The following SSC4D variants were observed in gnomAD, a reference collection of about 807,000 sequenced individuals.
SSC4D encodes scavenger receptor cysteine-rich domain-containing group B protein.
A neutral mutation model predicts 63.4 loss-of-function variants in SSC4D; 57 were observed. That is an observed-to-expected ratio of 0.90 (90% CI 0.73 to 1.12). The LOEUF (loss-of-function observed/expected upper bound fraction) is 1.12. Among genes scored for constraint, SSC4D ranks in the 50% most tolerant of loss-of-function variants. The pLI is 0.00. For synonymous variants in SSC4D, 352 were observed against 345.4 expected (o/e 1.02, Z -0.21); for missense variants, 791 against 806.4 (o/e 0.98, Z 0.23).
intron 1 of SSC4D, among the ~76,000 whole-genome samples, chr7:76,405,404 A>C (rs1392873246): frequency 8.1e-6 from 1 of 123,722 alleles, no homozygotes; most frequent in Non-Finnish European, 1.7e-5. Context: ...CTGGTTTCGA[A>C]CTCCTGACCT....
intron 2 of SSC4D, among the ~76,000 whole-genome samples, chr7:76,403,347 C>CTTTTTTTTATTTT: frequency 6.7e-6 from 1 of 149,532 alleles, no homozygotes; most frequent in Non-Finnish European, 1.5e-5. Context: ...GACTCCACTT[C>CTTTTTTTTATTTT]TTTTTTTTGA....
rs750796775 is a variant in SSC4D, at chr7:76,400,503, G to A, written c.258C>T (p.Asp86=). ...GGSWGSVCDD[D]WDVVDANVVC... ...CTACGTTGGCGTCCACCACGTCCCA[G>A]TCGTCATCACAGACGCTGCCCCAGG... Residue 86 remains aspartate, a synonymous_variant, in exon 4 of 11, where the codon GAC becomes GAT. Transcript: ENST00000275560. 6.3e-7 allele frequency: 1 copy of A among 1,599,030 alleles called. No individual in the cohort carries two copies. The highest frequency in any genetic ancestry group is 1.1e-5 in the South Asian group (1 of 89,734).
At chr7:76,392,084 G>T in intron 9 of SSC4D, 43 bp from the exon 10 acceptor site, 1 of 1,544,436 alleles carries the variant, frequency 6.5e-7, no homozygotes, top group South Asian at 1.2e-5. Context: ...CTCTCACAAT[G>T]GGAAGCATGT....
intron 9 of SSC4D, among the ~76,000 whole-genome samples, chr7:76,392,978 T>C (rs1804525057): frequency 6.6e-6 from 1 of 152,138 alleles, no homozygotes; most frequent in Admixed American, 6.6e-5. Flanking sequence ...CAAACACCCC[T>C]TTCCACTGAC....
chr7:76,401,962 A>T lies in SSC4D; in HGVS notation c.134-919T>A, dbSNP rs116019880. ...CTTAAATGTGTAAATTGGCTTTGGG[A>T]TTCATCATATTTCCCTCCCTAAAGA... On this transcript the variant is annotated intron_variant, in intron 2 of 10. Coordinates refer to ENST00000275560, the MANE Select transcript of SSC4D (RefSeq NM_080744.2). Among the ~76,000 whole-genome samples the T allele has an allele frequency of 5.9e-3, 897 of 152,102 alleles. 13 individuals carry two copies. The highest frequency in any genetic ancestry group is 0.021 in the African/African-American group (860 of 41,502).
At chr7:76,393,330 C>G (rs985440018) in intron 9 of SSC4D, 75 bp downstream of exon 9, 1 of 1,275,224 alleles carries the variant, frequency 7.8e-7, no homozygotes, top group Non-Finnish European at 9.9e-7. Context: ...AGGCCTCGCG[C>G]GTGGCGCCGC....
intron 1 of SSC4D, among the ~76,000 whole-genome samples, chr7:76,404,752 C>T (rs886228084): frequency 6.6e-6 from 1 of 151,116 alleles, no homozygotes; most frequent in Non-Finnish European, 1.5e-5. Context: ...GGTAACATGG[C>T]GAAAACCTGT....
chr7:76,405,953 C>A (rs1042335947), intron 1 of SSC4D, among the ~76,000 whole-genome samples: 6 of 149,904 alleles, frequency 4.0e-5, no homozygotes, highest in Non-Finnish European at 8.9e-5. Flanking sequence ...TTCTTTCCTT[C>A]CTTCCTTCCT....
At chr7:76,403,347 C>CTTTTTTTTTTTT (rs766899317) in intron 2 of SSC4D, among the ~76,000 whole-genome samples, 24,440 of 147,496 alleles carry the variant, frequency 0.17, 2,332 homozygotes, top group South Asian at 0.23. Flanking sequence ...GACTCCACTT[C>CTTTTTTTTTTTT]TTTTTTTTGA....
intron 6 of SSC4D, among the ~76,000 whole-genome samples, chr7:76,395,761 C>T (rs769689337): frequency 6.6e-6 from 1 of 152,138 alleles, no homozygotes; most frequent in Non-Finnish European, 1.5e-5. Context: ...GTGCGATCTC[C>T]GCTCACTGCA....
chr7:76,398,689 C>A (rs1272426609), intron 5 of SSC4D, 31 bp downstream of exon 5: 1 of 1,609,922 alleles, frequency 6.2e-7, no homozygotes, highest in Non-Finnish European at 8.5e-7. Context: ...TCTCCCAAAA[C>A]CCAGGTGGTG....
At chr7:76,406,766 T>C (rs1333345888) in intron 1 of SSC4D, among the ~76,000 whole-genome samples, 3 of 151,302 alleles carry the variant, frequency 2.0e-5, no homozygotes, top group Non-Finnish European at 2.9e-5. Context: ...TTGTTTTTAA[T>C]ACCCCAATCC....
intron 3 of SSC4D, 41 bp downstream of exon 3, chr7:76,400,967 C>T (rs377248126): frequency 3.7e-5 from 57 of 1,550,670 alleles, no homozygotes; most frequent in South Asian, 2.4e-4. Flanking sequence ...GAGTACCTGG[C>T]GGACAGGTGA....
intron 9 of SSC4D, 27 bp downstream of exon 9, chr7:76,393,378 C>T (rs777672206): frequency 8.3e-6 from 11 of 1,324,526 alleles, no homozygotes; most frequent in Middle Eastern, 2.9e-4. Flanking sequence ...GCCCCGCTGT[C>T]AGCCTCACCT....
intron 4 of SSC4D, among the ~76,000 whole-genome samples, chr7:76,399,975 A>G (rs1004351874): frequency 6.6e-6 from 1 of 152,144 alleles, no homozygotes; most frequent in Admixed American, 6.6e-5. Flanking sequence ...GGGACCAAAC[A>G]GTGAGACCTC....
At chr7:76,408,903 G>A (rs1315714351) in intron 1 of SSC4D, among the ~76,000 whole-genome samples, 3 of 152,162 alleles carry the variant, frequency 2.0e-5, no homozygotes, top group African/African-American at 7.2e-5. Context: ...TCATATTGCA[G>A]CATCAGCTCC....
At chr7:76,395,210 AC>A (rs1804608373) in intron 7 of SSC4D, 42 bp downstream of exon 7, 2 of 1,607,726 alleles carry the variant, frequency 1.2e-6, no homozygotes, top group African/African-American at 2.7e-5. Context: ...AGCCGCACCC[AC>A]CATACCCCTA....
intron 10 of SSC4D, among the ~76,000 whole-genome samples, chr7:76,391,483 C>A (rs1176324763): frequency 6.6e-6 from 1 of 152,156 alleles, no homozygotes; most frequent in Non-Finnish European, 1.5e-5. Context: ...CCCATAGTCT[C>A]AGGACTGGGA....
Position 76,393,476 on chromosome 7 carries a change from C to T in SSC4D, c.1262G>A (p.Ser421Asn). The change falls in exon 9 of 11, where the codon AGC becomes AAC. Residue 421 changes from serine to asparagine, a missense_variant. Transcript: ENST00000275560. ...VGCAGTEARL[S>N]DCFHLGWGQH... ...GCCCCAGCCCAGGTGGAAGCAGTCG[C>T]TCAGGCGAGCCTCGGTGCCGGCGCA... The T allele has an allele frequency of 6.6e-7, 1 of 1,526,210 alleles. No homozygotes were observed. The highest frequency in any genetic ancestry group is 8.7e-7 in the Non-Finnish European group (1 of 1,144,184). The allele number at this position is 1,526,210 out of a possible 1,614,324, so 94.5% of individuals were successfully genotyped here.
Sources: allele counts gnomAD v4.1 joint callset (sites outside exome capture counted in the v4.1 genomes callset), GRCh38; gene constraint gnomAD v4.1.1; transcripts MANE v1.5; gene names NCBI Gene and HGNC (gene_info 2026-07-23, HGNC 2026-07-21).